SMYD3: variants seen among roughly 807,000 people sequenced by gnomAD.
SMYD3 encodes histone-lysine N-methyltransferase SMYD3.
In SMYD3, 36 loss-of-function variants were observed where a neutral mutation model predicts 57.7. The observed-to-expected ratio is 0.62, with a 90% CI of 0.48 to 0.82. The LOEUF is 0.82. SMYD3 is among the 40% of genes least tolerant of loss of function. SMYD3 has a pLI of 0.00. For synonymous variants in SMYD3, 211 were observed against 195.0 expected (o/e 1.08, Z -0.68); for missense variants, 515 against 538.8 (o/e 0.96, Z 0.44).
chr1:245,828,409 C>A (rs192844125), intron 10 of SMYD3, among the ~76,000 whole-genome samples: 30 of 152,244 alleles, frequency 2.0e-4, no homozygotes, highest in African/African-American at 6.5e-4. Flanking sequence ...ATCTACATGT[C>A]CCTTTCCAAT....
At chr1:246,165,033 G>A (rs557161491) in intron 5 of SMYD3, among the ~76,000 whole-genome samples, 1 of 152,220 alleles carries the variant, frequency 6.6e-6, no homozygotes, top group Non-Finnish European at 1.5e-5. Context: ...CGACTGGGAA[G>A]ACAGTAGTGC....
intron 5 of SMYD3, among the ~76,000 whole-genome samples, chr1:246,090,404 C>G (rs2060800675): frequency 6.6e-6 from 1 of 152,020 alleles, no homozygotes; most frequent in Admixed American, 6.6e-5. Context: ...AGAGAGAACA[C>G]CATCTTCTGT....
chr1:246,113,184 A>AAATAAATAAAT (rs1558239582), intron 5 of SMYD3, among the ~76,000 whole-genome samples: 1 of 145,458 alleles, frequency 6.9e-6, no homozygotes. Context: ...TCTGTCTCAA[A>AAATAAATAAAT]AAATAAATAA....
intron 1 of SMYD3, among the ~76,000 whole-genome samples, chr1:246,430,308 G>C (rs981992021): frequency 1.3e-5 from 2 of 152,214 alleles, no homozygotes; most frequent in Admixed American, 1.3e-4. Flanking sequence ...CCAGCATCAA[G>C]ATAACATCAG....
At chr1:246,418,064 C>T (rs1372301307) in intron 1 of SMYD3, among the ~76,000 whole-genome samples, 1 of 152,210 alleles carries the variant, frequency 6.6e-6, no homozygotes, top group African/African-American at 2.4e-5. Flanking sequence ...TGTGTGGCCC[C>T]TGTGCTTCTG....
chr1:246,178,721 T>C (rs545609211), intron 5 of SMYD3: 1 of 152,234 alleles, frequency 6.6e-6, no homozygotes, highest in East Asian at 1.9e-4. Flanking sequence ...TCTTTGTCTT[T>C]AATTAAACTG....
intron 5 of SMYD3, among the ~76,000 whole-genome samples, chr1:245,980,277 C>T (rs2058563079): frequency 6.6e-6 from 1 of 152,176 alleles, no homozygotes; most frequent in African/African-American, 2.4e-5. Context: ...TTTTGCTCTC[C>T]TTGCACATGT....
rs367575173 is a variant in SMYD3 at position 246,038,183 on chromosome 1, G to A, written c.532-108246C>T. Reference sequence around the variant, plus strand: ...AGTTTAGTTTTTTACTTGTCTTATAGTGGCTTTGCCATGCAGAGTTTTAAA... The same window carrying A: ...AGTTTAGTTTTTTACTTGTCTTATAATGGCTTTGCCATGCAGAGTTTTAAA... On this transcript the variant is annotated intron_variant, in intron 5 of 11. Transcript: ENST00000490107. Among the ~76,000 whole-genome samples, 368 of 152,240 alleles carry A rather than the reference G, an allele frequency of 2.4e-3. 1 individual carries two copies. The highest frequency in any genetic ancestry group is 4.4e-3 in the Non-Finnish European group (297 of 68,010).
chr1:246,490,001 CTTTTTTTT>C (rs71968916), intron 1 of SMYD3, among the ~76,000 whole-genome samples: 30 of 92,302 alleles, frequency 3.3e-4, no homozygotes, highest in African/African-American at 9.5e-4. Flanking sequence ...TAATTTTTTC[CTTTTTTTT>C]TTTTTTTTTT....
intron 5 of SMYD3, among the ~76,000 whole-genome samples, chr1:246,140,147 T>C (rs1033573307): frequency 6.6e-6 from 1 of 152,218 alleles, no homozygotes; most frequent in Non-Finnish European, 1.5e-5. Flanking sequence ...GACTTGCCAG[T>C]AATGGTCAAT....
intron 8 of SMYD3, among the ~76,000 whole-genome samples, chr1:245,911,188 T>C (rs1425987913): frequency 2.0e-5 from 3 of 151,986 alleles, no homozygotes; most frequent in African/African-American, 7.2e-5. Context: ...CCAGTTAAAA[T>C]GGCTACTATA....
chr1:246,344,215 A>G (rs538535860), intron 2 of SMYD3, among the ~76,000 whole-genome samples: 1 of 152,272 alleles, frequency 6.6e-6, no homozygotes, highest in South Asian at 2.1e-4. Flanking sequence ...TCTCCATATA[A>G]CCAACACCAA....
chr1:245,779,037 G>A (rs2046724157), intron 10 of SMYD3, among the ~76,000 whole-genome samples: 1 of 151,880 alleles, frequency 6.6e-6, no homozygotes. Flanking sequence ...GCATGCGCTT[G>A]TAGTCCCAGC....
chr1:246,162,857 A>G (rs991325798), intron 5 of SMYD3, among the ~76,000 whole-genome samples: 25 of 152,326 alleles, frequency 1.6e-4, no homozygotes, highest in African/African-American at 6.0e-4. Flanking sequence ...TTCAGCCAAA[A>G]TGGTAGAGCA....
rs141239913 is a variant in SMYD3, at chr1:246,470,499, TAAAAA to T, written c.164+36550_164+36554del. 2.4e-3 allele frequency among the ~76,000 whole-genome samples: 307 copies of T among 129,178 alleles called. 1 individual carries two copies. Among genetic ancestry groups the T allele is most frequent in the African/African-American group, 9.7e-3 (291 of 30,048 alleles). 84.7% of individuals were successfully genotyped at this position (129,178 alleles called of 152,430 possible). ...GACAGAGCAAGAATCTGTCTAAAAATAAAAAAAAATTAAAAAAAAAAATATATATA... is the reference window on the plus strand; with the variant it reads ...GACAGAGCAAGAATCTGTCTAAAAATAAAATTAAAAAAAAAAATATATATA... On this transcript the variant is annotated intron_variant, in intron 1 of 11. Coordinates refer to ENST00000490107, the MANE Select transcript of SMYD3 (RefSeq NM_001167740.2).
intron 5 of SMYD3, among the ~76,000 whole-genome samples, chr1:246,039,806 A>G (rs1572929552): frequency 6.6e-6 from 1 of 152,204 alleles, no homozygotes; most frequent in African/African-American, 2.4e-5. Context: ...CCAAGGGCGC[A>G]GGTTCAGTAC....
At chr1:246,223,033 C>G (rs2063280042) in intron 5 of SMYD3, among the ~76,000 whole-genome samples, 2 of 152,114 alleles carry the variant, frequency 1.3e-5, no homozygotes, top group Admixed American at 1.3e-4. Flanking sequence ...CATTCATTGT[C>G]ACACATTTCC....
At chr1:245,899,252 T>C (rs2054027774) in intron 8 of SMYD3, among the ~76,000 whole-genome samples, 1 of 148,822 alleles carries the variant, frequency 6.7e-6, no homozygotes, top group South Asian at 2.1e-4. Flanking sequence ...TTTACCTCTG[T>C]ATTTTTTTTT....
chr1:245,888,688 G>A (rs145746111), intron 8 of SMYD3, among the ~76,000 whole-genome samples: 222 of 152,286 alleles, frequency 1.5e-3, no homozygotes, highest in African/African-American at 4.8e-3. Flanking sequence ...GATATTCGAT[G>A]GATCTAAGTA....
Sources: gnomAD v4.1 joint callset for allele counts (sites outside exome capture counted in the v4.1 genomes callset) on GRCh38, gnomAD v4.1.1 for gene constraint, MANE v1.5 for transcripts, NCBI Gene and HGNC (gene_info 2026-07-23, HGNC 2026-07-21) for gene names.